The following NR4A2 variants were observed in gnomAD, a reference collection of about 807,000 sequenced individuals.
NR4A2 encodes NGFI-B/nur77 beta-type transcription factor homolog.
NR4A2 carries 1 observed loss-of-function variant against 50.5 expected under a neutral mutation model. That is an observed-to-expected ratio of 0.02 (90% CI 0.01 to 0.09). The LOEUF is 0.09. NR4A2 is among the 10% of genes least tolerant of loss of function. The pLI is 1.00. For synonymous variants in NR4A2, 328 were observed against 309.4 expected, an observed-to-expected ratio of 1.06 and a Z score of -0.63; for missense variants, 613 against 777.3, an observed-to-expected ratio of 0.79 and a Z score of 2.51.
chr2:156,330,519 T>C (rs764488662), intron 2 of NR4A2, 149 bp downstream of exon 2: 20 of 874,462 alleles, frequency 2.3e-5, no homozygotes, highest in Non-Finnish European at 3.2e-5. Flanking sequence ...GAAATGACCA[T>C]CTAGAAATGA....
rs1198482432 is a variant in NR4A2, at chr2:156,326,601, CA to C, written c.1361+116del. On this transcript the variant is annotated intron_variant, in intron 6 of 7. Coordinates refer to ENST00000339562, the MANE Select transcript of NR4A2 (RefSeq NM_006186.4). This position sits in a 1 kb window ranked among gnomAD's most constrained non-coding sequence, Gnocchi z 4.2. ...TCTTTTTCTTCCTTTCTCCGACTTC[CA>C]TTTCCTATTCTGTCTTTTTCTCTAC... 1 of 1,186,064 alleles carries C rather than the reference CA, an allele frequency of 8.4e-7. No homozygotes were observed. The highest frequency in any genetic ancestry group is 1.2e-6 in the Non-Finnish European group (1 of 815,440). 73.5% of individuals were successfully genotyped at this position (1,186,064 alleles called of 1,614,324 possible).
chr2:156,330,238 T>G, intron 2 of NR4A2, 50 bp from the exon 3 acceptor site: 2 of 1,605,196 alleles, frequency 1.2e-6, no homozygotes, highest in Non-Finnish European at 8.5e-7. Flanking sequence ...AACTGAACAC[T>G]TTCTCCCGGG....
In NR4A2 at chr2:156,328,069, G is replaced by A. The variant is rs1259161846; in HGVS notation, c.995-55C>T. The A allele has an allele frequency of 7.6e-6, 12 of 1,569,010 alleles. No individual in the cohort carries two copies. The highest frequency in any genetic ancestry group is 9.5e-6 in the Non-Finnish European group (11 of 1,155,420). ...TTTTCCGAGCCCAGGCCCAGCTGCTGCCTCGGTCCCTCCCCGGGGAAGGCC... is the reference window on the plus strand; with the variant it reads ...TTTTCCGAGCCCAGGCCCAGCTGCTACCTCGGTCCCTCCCCGGGGAAGGCC... On this transcript the variant is annotated intron_variant, in intron 4 of 7. Transcript: ENST00000339562. This position sits in a 1 kb window ranked among gnomAD's most constrained non-coding sequence, Gnocchi z 4.9.
chr2:156,331,670 G>A (rs1465158247), intron 1 of NR4A2: 1 of 152,154 alleles, frequency 6.6e-6, no homozygotes, highest in Non-Finnish European at 1.5e-5. Context: ...ACATTCTAGA[G>A]CACAGACAAT....
chr2:156,332,080 T>A, intron 1 of NR4A2: 1 of 167,498 alleles, frequency 6.0e-6, no homozygotes, highest in Non-Finnish European at 1.3e-5. Flanking sequence ...AAGAACTTCC[T>A]CTCCCTGTCA....
In NR4A2 at chr2:156,328,556, C is replaced by T. The variant is rs887667280; in HGVS notation, c.865-23G>A. On this transcript the variant is annotated intron_variant, in intron 3 of 7. Coordinates refer to ENST00000339562, the MANE Select transcript of NR4A2 (RefSeq NM_006186.4). The surrounding 1 kb of genome is among the most constrained non-coding windows in gnomAD (Gnocchi z 4.9). ...GCGCTGCAAAAGGAGACAATATAGA[C>T]CAACATTTTTTTTCTTCTTTTGAAA... 6.2e-7 allele frequency: 1 copy of T among 1,613,952 alleles called. No individual in the cohort carries two copies. The highest frequency in any genetic ancestry group is 8.5e-7 in the Non-Finnish European group (1 of 1,180,008).
rs545781307 is a variant in NR4A2, at chr2:156,328,426, C to G, written c.972G>C (p.Leu324=). 1 of 1,614,230 alleles carries G rather than the reference C, an allele frequency of 6.2e-7. No individual in the cohort carries two copies. The highest frequency in any genetic ancestry group is 1.3e-5 in the African/African-American group (1 of 75,060). ...TACCTTCTTTGACCATCCCAACAGC[C>G]AGGCACTTCTGAAATCGGCAGTACT... is the stretch of plus-strand genomic sequence containing the variant. ...RCQYCRFQKC[L]AVGMVKEVVR... Residue 324 remains leucine (L), a synonymous_variant, in exon 4 of 8, where the codon CTG becomes CTC. Transcript: ENST00000339562. This position sits in a 1 kb window ranked among gnomAD's most constrained non-coding sequence, Gnocchi z 4.9.
Position 156,330,653 on chromosome 2 carries a change from T to A in NR4A2, c.-3+15A>T. 7.7e-7 allele frequency: 1 copy of A among 1,297,108 alleles called. No homozygotes were observed. Among genetic ancestry groups the A allele is most frequent in the East Asian group, 2.8e-5 (1 of 35,858 alleles). The allele number at this position is 1,297,108 out of a possible 1,614,324, so 80.3% of individuals were successfully genotyped here. A position where few individuals can be genotyped will look rare whatever the true frequency, so the allele number is the denominator to read the frequency against. On this transcript the variant is annotated intron_variant, in intron 2 of 7. Coordinates refer to ENST00000339562, the MANE Select transcript of NR4A2 (RefSeq NM_006186.4). ...AGCTCTGGAGAGTAAAGGAAAGAAA[T>A]GAAGTTGCACTAACCTTCAGCCGAG...
Position 156,326,634 on chromosome 2 carries a change from C to A in NR4A2, c.1361+84G>T. 7.1e-7 allele frequency: 1 copy of A among 1,416,620 alleles called. No individual in the cohort carries two copies. The highest frequency in any genetic ancestry group is 1.2e-5 in the South Asian group (1 of 86,736). 87.8% of individuals were successfully genotyped at this position (1,416,620 alleles called of 1,614,324 possible). On this transcript the variant is annotated intron_variant, in intron 6 of 7. Coordinates refer to ENST00000339562, the MANE Select transcript of NR4A2 (RefSeq NM_006186.4). The surrounding 1 kb of genome is among the most constrained non-coding windows in gnomAD (Gnocchi z 4.2). ...ATTCTGTCTTTTTCTCTACCCCACCCTCTGGTTTCCCTTCCTCCCTTTCTT... is the reference window on the plus strand; with the variant it reads ...ATTCTGTCTTTTTCTCTACCCCACCATCTGGTTTCCCTTCCTCCCTTTCTT...
chr2:156,330,041 G>A lies in NR4A2; in HGVS notation c.146C>T (p.Thr49Ile), dbSNP rs1686854408. ...FVKFSMDLTN[T>I]EITATTSLPS... ...GAGAGAAGTGGTGGCAGTGATTTCA[G>A]TGTTGGTGAGGTCCATGCTAAACTT... Residue 49 changes from threonine to isoleucine, a missense_variant, in exon 3 of 8, where the codon ACT (threonine) becomes ATT (isoleucine). Physicochemically the swap from Thr to Ile is moderately conservative, Grantham distance 89. Transcript: ENST00000339562. 6.2e-7 allele frequency: 1 copy of A among 1,614,208 alleles called. No individual in the cohort carries two copies. The highest frequency in any genetic ancestry group is 8.5e-7 in the Non-Finnish European group (1 of 1,180,036).
chr2:156,328,296 G>C lies in NR4A2; in HGVS notation c.994+108C>G, dbSNP rs1686748557. 2 of 1,553,644 alleles carry C rather than the reference G, an allele frequency of 1.3e-6. No homozygotes were observed. The highest frequency in any genetic ancestry group is 8.9e-7 in the Non-Finnish European group (1 of 1,127,312). On this transcript the variant is annotated intron_variant, in intron 4 of 7. Coordinates refer to ENST00000339562, the MANE Select transcript of NR4A2 (RefSeq NM_006186.4). This position sits in a 1 kb window ranked among gnomAD's most constrained non-coding sequence, Gnocchi z 4.9. ...TGCAGGGTCCTGGAGGCCATACTGA[G>C]GGGGAGTCGGAGATCCCCAGCACCG...
intron 2 of NR4A2, among the ~76,000 whole-genome samples, chr2:156,330,443 A>AC (rs200333804): frequency 0.053 from 7,998 of 151,016 alleles, 265 homozygotes; most frequent in Non-Finnish European, 0.076. Context: ...TCTCCCTCAT[A>AC]CCCCCCCACT....
At chr2:156,327,145 CA>C (rs779348888) in intron 5 of NR4A2, among the ~76,000 whole-genome samples, 13 of 152,134 alleles carry the variant, frequency 8.5e-5, no homozygotes, top group Non-Finnish European at 1.8e-4. Flanking sequence ...AGACTAAATA[CA>C]GTGCCATCCA....
intron 5 of NR4A2, 120 bp downstream of exon 5, chr2:156,327,731 T>A: frequency 8.1e-7 from 1 of 1,238,522 alleles, no homozygotes; most frequent in Non-Finnish European, 1.2e-6. Context: ...CTGCGAGGCA[T>A]ATACAGCCTT....
In NR4A2 at chr2:156,326,595, G is replaced by T; in HGVS notation, c.1361+123C>A. ...TTTCTTTCTTTTTCTTCCTTTCTCC[G>T]ACTTCCATTTCCTATTCTGTCTTTT... is the stretch of plus-strand genomic sequence containing the variant. On this transcript the variant is annotated intron_variant, in intron 6 of 7. Coordinates refer to ENST00000339562, the MANE Select transcript of NR4A2 (RefSeq NM_006186.4). The surrounding 1 kb of genome is among the most constrained non-coding windows in gnomAD (Gnocchi z 4.2). The T allele has an allele frequency of 1.7e-6, 2 of 1,144,644 alleles. No homozygotes were observed. The highest frequency in any genetic ancestry group is 2.6e-6 in the Non-Finnish European group (2 of 783,560). 70.9% of individuals were successfully genotyped at this position (1,144,644 alleles called of 1,614,324 possible). A position where few individuals can be genotyped will look rare whatever the true frequency, so the allele number is the denominator to read the frequency against.
chr2:156,327,365 C>G (rs150849234), intron 5 of NR4A2, among the ~76,000 whole-genome samples: 1 of 152,202 alleles, frequency 6.6e-6, no homozygotes, highest in Non-Finnish European at 1.5e-5. Context: ...CTTGATCCCC[C>G]ACCCCACTGG....
chr2:156,331,290 A>G (rs1686912594), intron 1 of NR4A2, among the ~76,000 whole-genome samples: 1 of 152,254 alleles, frequency 6.6e-6, no homozygotes, highest in Non-Finnish European at 1.5e-5. Context: ...ACAAAATGTT[A>G]GAAAGGCCTT....
rs1313643424 is a variant in NR4A2, at chr2:156,325,399, A to G, written c.*345T>C. ...CTGCAACAACCAAGCATGGCCAAAC[A>G]TTTCCCATTATACATTATAGCAATC... On this transcript the variant is annotated 3_prime_UTR_variant, in exon 8 of 8. Coordinates refer to ENST00000339562, the MANE Select transcript of NR4A2 (RefSeq NM_006186.4). 8.7e-6 allele frequency: 3 copies of G among 344,844 alleles called. No individual in the cohort carries two copies. The highest frequency in any genetic ancestry group is 1.7e-5 in the Non-Finnish European group (3 of 178,250). The allele number at this position is 344,844 out of a possible 1,614,324, so 21.4% of individuals were successfully genotyped here.
In NR4A2 at chr2:156,329,243, C is replaced by T; in HGVS notation, c.864+80G>A. On this transcript the variant is annotated intron_variant, in intron 3 of 7. Transcript: ENST00000339562. The surrounding 1 kb of genome is among the most constrained non-coding windows in gnomAD (Gnocchi z 7.5). ...GGGAGAGCTGGGGCTGGGCTACTGG[C>T]ACCAAGGCAGAGGGCACACTCCGAG... is the stretch of plus-strand genomic sequence containing the variant. 1 of 1,545,768 alleles carries T rather than the reference C, an allele frequency of 6.5e-7. No homozygotes were observed. Among genetic ancestry groups the T allele is most frequent in the Non-Finnish European group, 8.8e-7 (1 of 1,141,906 alleles).
Sources: allele counts gnomAD v4.1 joint callset (sites outside exome capture counted in the v4.1 genomes callset), GRCh38; gene constraint gnomAD v4.1.1; non-coding constraint Gnocchi (gnomAD v3.1); transcripts MANE v1.5; gene names NCBI Gene and HGNC (gene_info 2026-07-23, HGNC 2026-07-21).